The following OSBPL10 variants were observed in gnomAD, a reference collection of about 807,000 sequenced individuals.
The protein encoded by OSBPL10 is oxysterol binding protein like 10.
Under a neutral mutation model 81.7 loss-of-function variants are expected in OSBPL10, and 49 were observed. The ratio of observed to expected loss-of-function variants is 0.60; its 90% CI spans 0.48 to 0.76. OSBPL10 has a LOEUF of 0.76. Ranked by LOEUF, OSBPL10 falls within the 30% of genes least tolerant of loss-of-function variation. The probability of loss-of-function intolerance (pLI) is 0.00; values close to 1 mark genes in which losing one functional copy is unlikely to be tolerated. For missense variants in OSBPL10, 923 were observed against 987.8 expected, an observed-to-expected ratio of 0.93 and a Z score of 0.88; for synonymous variants, 419 against 383.6, an observed-to-expected ratio of 1.09 and a Z score of -1.08.
intron 6 of OSBPL10, chr3:31,714,939 A>G (rs929410395): frequency 6.0e-5 from 9 of 150,428 alleles, no homozygotes; most frequent in African/African-American, 2.0e-4. Flanking sequence ...GTCTTCAATC[A>G]AGCACATATT....
chr3:31,923,231 C>T (rs1054124927), intron 1 of OSBPL10, among the ~76,000 whole-genome samples: 3 of 152,132 alleles, frequency 2.0e-5, no homozygotes, highest in Non-Finnish European at 4.4e-5. Context: ...GGGTGGGGAG[C>T]TAAACCACCA....
chr3:31,981,197 G>T lies in OSBPL10; in HGVS notation c.-18C>A. On this transcript the variant is annotated 5_prime_UTR_variant, in exon 1 of 12. Coordinates refer to ENST00000396556, the MANE Select transcript of OSBPL10 (RefSeq NM_017784.5). This position sits in a 1 kb window ranked among gnomAD's most constrained non-coding sequence, Gnocchi z 4.5. ...CTCTCCATGGTCCGTGGGCGCCCGG[G>T]ACGCGGGTGCCCGCCGCGGTGGCGG... is the stretch of plus-strand genomic sequence containing the variant. 1 of 1,393,906 alleles carries T rather than the reference G, an allele frequency of 7.2e-7. No homozygotes were observed. The highest frequency in any genetic ancestry group is 1.6e-5 in the South Asian group (1 of 62,450). The allele number at this position is 1,393,906 out of a possible 1,614,324, so 86.3% of individuals were successfully genotyped here. A position where few individuals can be genotyped will look rare whatever the true frequency, so the allele number is the denominator to read the frequency against.
Position 31,720,881 on chromosome 3 carries a change from C to CAA in OSBPL10, c.1095+12374_1095+12375dup, listed in dbSNP as rs61492992. Reference sequence around the variant, plus strand: ...TGGGCAACAGAGCGAGACTCTGTCTCAAAAAAAAAAAAAAAAAAAAAAAGG... The same window carrying CAA: ...TGGGCAACAGAGCGAGACTCTGTCTCAAAAAAAAAAAAAAAAAAAAAAAAAGG... On this transcript the variant is annotated intron_variant, in intron 6 of 11. Coordinates refer to ENST00000396556, the MANE Select transcript of OSBPL10 (RefSeq NM_017784.5). 9.6e-3 allele frequency among the ~76,000 whole-genome samples: 619 copies of CAA among 64,592 alleles called. 11 individuals are homozygous for CAA. The highest frequency in any genetic ancestry group is 0.018 in the African/African-American group (290 of 15,814). 42.4% of individuals were successfully genotyped at this position (64,592 alleles called of 152,430 possible).
At chr3:31,664,874 A>G (rs1310107625) in intron 10 of OSBPL10, among the ~76,000 whole-genome samples, 1 of 152,066 alleles carries the variant, frequency 6.6e-6, no homozygotes, top group Admixed American at 6.6e-5. Context: ...TCATGAATTC[A>G]TTGTAGAACG....
intron 2 of OSBPL10, among the ~76,000 whole-genome samples, chr3:32,007,232 A>G (rs1699213570): frequency 6.6e-6 from 1 of 152,204 alleles, no homozygotes; most frequent in Non-Finnish European, 1.5e-5. Flanking sequence ...TTTGTCCTAC[A>G]AATATAATTG....
In OSBPL10 at chr3:31,918,329, C is replaced by CT. The variant is rs67029884; in HGVS notation, c.282-38500dup. ...ACACACTGGAGTTGTTTTTTCTTTT[C>CT]TTTTTTTTTTTTTTAAAGAGACAGG... On this transcript the variant is annotated intron_variant, in intron 1 of 11. Coordinates refer to ENST00000396556, the MANE Select transcript of OSBPL10 (RefSeq NM_017784.5). 3.8e-3 allele frequency among the ~76,000 whole-genome samples: 569 copies of CT among 148,310 alleles called. 2 individuals are homozygous for CT. The highest frequency in any genetic ancestry group is 0.012 in the African/African-American group (482 of 40,530).
At chr3:31,880,243 A>C (rs1284627210) in intron 1 of OSBPL10, among the ~76,000 whole-genome samples, 1 of 152,220 alleles carries the variant, frequency 6.6e-6, no homozygotes, top group Non-Finnish European at 1.5e-5. Context: ...TCACACCCAG[A>C]GAGCAGCAGC....
At chr3:31,773,994 T>C in intron 4 of OSBPL10, among the ~76,000 whole-genome samples, 1 of 151,970 alleles carries the variant, frequency 6.6e-6, no homozygotes, top group Admixed American at 6.5e-5. Flanking sequence ...AAACCCCGTC[T>C]CTACTAAAAA....
At chr3:31,672,456 G>A (rs1440992429) in intron 8 of OSBPL10, among the ~76,000 whole-genome samples, 2 of 150,704 alleles carry the variant, frequency 1.3e-5, no homozygotes, top group South Asian at 2.1e-4. Context: ...GTGGGAGTGC[G>A]GAGGGAGGGG....
intron 2 of OSBPL10, among the ~76,000 whole-genome samples, chr3:32,027,034 T>C (rs1393396154): frequency 1.3e-5 from 2 of 152,188 alleles, no homozygotes; most frequent in Non-Finnish European, 2.9e-5. Flanking sequence ...TTTTTTTCTT[T>C]TTTTTATTAT....
intron 1 of OSBPL10, among the ~76,000 whole-genome samples, chr3:31,947,597 AG>A (rs1235700963): frequency 5.3e-4 from 81 of 152,298 alleles, no homozygotes; most frequent in African/African-American, 1.9e-3. Flanking sequence ...GTACTCAGGC[AG>A]GGCATGGGGT....
intron 4 of OSBPL10, among the ~76,000 whole-genome samples, chr3:31,781,506 A>G (rs941197155): frequency 6.6e-6 from 1 of 152,200 alleles, no homozygotes; most frequent in South Asian, 2.1e-4. Flanking sequence ...CCAAATTGGT[A>G]AAGAGGAAGT....
At chr3:32,052,191 G>A (rs1225934626) in intron 1 of OSBPL10, among the ~76,000 whole-genome samples, 2 of 150,752 alleles carry the variant, frequency 1.3e-5, no homozygotes, top group Non-Finnish European at 2.9e-5. Flanking sequence ...AGGTTGGAAT[G>A]AGCAGAGATC....
At chr3:31,804,698 A>G (rs550042430) in intron 4 of OSBPL10, among the ~76,000 whole-genome samples, 86 of 152,358 alleles carry the variant, frequency 5.6e-4, no homozygotes, top group African/African-American at 2.0e-3. Flanking sequence ...TCATGAGGAC[A>G]AGATGTAATT....
At position 31,848,323 on chromosome 3, in the gene OSBPL10, C is replaced by G. The variant is rs187344261; in HGVS notation, c.538-18092G>C. ...CTTGTCCTAGAAGAATTTCACATCT[C>G]TCTTTCCCACTACAAGCCCCCCCCA... On this transcript the variant is annotated intron_variant, in intron 3 of 11. Coordinates refer to ENST00000396556, the MANE Select transcript of OSBPL10 (RefSeq NM_017784.5). Among the ~76,000 whole-genome samples, 252 of 151,622 alleles carry G rather than the reference C, an allele frequency of 1.7e-3. 4 individuals carry two copies. Among genetic ancestry groups the G allele is most frequent in the African/African-American group, 4.7e-3 (194 of 41,306 alleles).
intron 7 of OSBPL10, among the ~76,000 whole-genome samples, chr3:31,702,037 T>C (rs189592573): frequency 2.5e-4 from 38 of 152,196 alleles, no homozygotes; most frequent in Non-Finnish European, 3.2e-4. Context: ...CTCTAGAACA[T>C]AGCAAGAAAC....
intron 2 of OSBPL10, among the ~76,000 whole-genome samples, chr3:32,006,146 A>G (rs1699203975): frequency 6.6e-6 from 1 of 151,648 alleles, no homozygotes; most frequent in Non-Finnish European, 1.5e-5. Context: ...GGGTTTCACC[A>G]TGTTGGCCAG....
At position 32,000,425 on chromosome 3, in the gene OSBPL10, T is replaced by C. The variant is rs1020107699; in HGVS notation, n.298+46066A>G. Among the ~76,000 whole-genome samples, 7 of 152,204 alleles carry C rather than the reference T, an allele frequency of 4.6e-5. No individual in the cohort carries two copies. The South Asian group carries it at 1.2e-3, about 27-fold the overall frequency. ...ATGACCTCTCTGGGCCTCAGTCTCC[T>C]TAACGGTCATATGAAGATCACCCCA... On this transcript the variant is annotated intron_variant and non_coding_transcript_variant, in intron 2 of 3. Coordinates refer to the OSBPL10 transcript ENST00000479173.
chr3:31,874,594 C>A (rs984241115), intron 3 of OSBPL10, among the ~76,000 whole-genome samples: 24 of 151,972 alleles, frequency 1.6e-4, no homozygotes, highest in African/African-American at 5.8e-4. Context: ...TTAAGAATGG[C>A]CAATAAACAT....
Sources: allele counts gnomAD v4.1 joint callset (sites outside exome capture counted in the v4.1 genomes callset), GRCh38; gene constraint gnomAD v4.1.1; non-coding constraint Gnocchi (gnomAD v3.1); transcripts MANE v1.5; gene names NCBI Gene and HGNC (gene_info 2026-07-23, HGNC 2026-07-21).